RAVER1: variants seen among roughly 807,000 people sequenced by gnomAD.
RAVER1 encodes ribonucleoprotein PTB-binding 1.
In RAVER1, 36 loss-of-function variants were observed where a neutral mutation model predicts 68.4. That is an observed-to-expected ratio of 0.53 (90% CI 0.40 to 0.70). The LOEUF (loss-of-function observed/expected upper bound fraction) is 0.70, where lower values mean the gene tolerates loss of function less well. Among genes scored for constraint, RAVER1 ranks in the 30% least tolerant of loss-of-function variants. RAVER1 has a pLI of 0.00. For missense variants in RAVER1, 933 were observed against 1,019.8 expected (o/e 0.91, Z 1.16); for synonymous variants, 469 against 472.7 (o/e 0.99, Z 0.10).
chr19:10,333,211 G>C lies in RAVER1; in HGVS notation c.219+78C>G. 7.1e-7 allele frequency: 1 copy of C among 1,409,158 alleles called. No individual in the cohort carries two copies. Among genetic ancestry groups the C allele is most frequent in the East Asian group, 2.5e-5 (1 of 40,242 alleles). The allele number at this position is 1,409,158 out of a possible 1,614,324, so 87.3% of individuals were successfully genotyped here. On this transcript the variant is annotated intron_variant, in intron 1 of 12. Coordinates refer to ENST00000617231, the MANE Select transcript of RAVER1 (RefSeq NM_133452.3). This position sits in a 1 kb window ranked among gnomAD's most constrained non-coding sequence, Gnocchi z 4.2. ...GCCAACGACCCCCGCGCACCTCAGC[G>C]TTGGTGTCGCCCGGTTCCCCCCGCG...
chr19:10,324,171 AAG>A (rs1367254881), intron 3 of RAVER1, among the ~76,000 whole-genome samples: 1 of 150,864 alleles, frequency 6.6e-6, no homozygotes, highest in Non-Finnish European at 1.5e-5. Flanking sequence ...AAAAAAAAAA[AAG>A]AGATAATCAG....
rs767011564 is a variant in RAVER1 at position 10,325,792 on chromosome 19, C to CA, written c.757-2227dup. ...AGCCTGGGTGATTGAGAACCTGTCT[C>CA]AAAAAAAAAAAAAATTAAGTTTAGT... On this transcript the variant is annotated intron_variant, in intron 3 of 12. Transcript: ENST00000617231. Among the ~76,000 whole-genome samples, 895 of 132,806 alleles carry CA rather than the reference C, an allele frequency of 6.7e-3. 7 individuals carry two copies. Among genetic ancestry groups the CA allele is most frequent in the African/African-American group, 0.02 (722 of 35,874 alleles). 87.1% of individuals were successfully genotyped at this position (132,806 alleles called of 152,430 possible).
chr19:10,320,575 G>A (rs2040428497), intron 9 of RAVER1, 80 bp downstream of exon 9: 2 of 1,313,620 alleles, frequency 1.5e-6, no homozygotes, highest in African/African-American at 1.5e-5. Flanking sequence ...CACATGGCCT[G>A]GCATAGTCAA....
chr19:10,328,946 A>T lies in RAVER1; in HGVS notation c.452T>A (p.Leu151Gln). 1 of 1,608,014 alleles carries T rather than the reference A, an allele frequency of 6.2e-7. No homozygotes were observed. ...PSLTQQQFEE[L>Q]VRPFGSLERC... ...CTCCAGGCTGCCGAAGGGCCGCACC[A>T]GCTCCTCGAACTGCTGCTGTGTGAG... The change falls in exon 3 of 13, where the codon CTG (leucine) becomes CAG (glutamine). Residue 151 changes from leucine (L) to glutamine (Q), a missense_variant. Physicochemically the swap from Leu to Gln is moderately radical, Grantham distance 113. Coordinates refer to ENST00000617231, the MANE Select transcript of RAVER1 (RefSeq NM_133452.3). The surrounding 1 kb of genome is among the most constrained non-coding windows in gnomAD (Gnocchi z 4.4).
rs2040497776 is a variant in RAVER1, at chr19:10,329,317, GC to G, written c.287-207del. Among the ~76,000 whole-genome samples, 1 of 152,156 alleles carries G rather than the reference GC, an allele frequency of 6.6e-6. No individual in the cohort carries two copies. Among genetic ancestry groups the G allele is most frequent in the Non-Finnish European group, 1.5e-5 (1 of 68,016 alleles). On this transcript the variant is annotated intron_variant, in intron 2 of 12. Coordinates refer to ENST00000617231, the MANE Select transcript of RAVER1 (RefSeq NM_133452.3). This position sits in a 1 kb window ranked among gnomAD's most constrained non-coding sequence, Gnocchi z 4.6. ...TCCACGAAGCCCACTCCCTCTCCCA[GC>G]CCTGCGTCCACCTGCACCCACAGCA...
Position 10,321,271 on chromosome 19 carries a change from A to G in RAVER1, c.1262-12T>C. Reference sequence around the variant, plus strand: ...GGGCAGGCCCCCTCCTAGGGAGGGAAGGAGGATTTCAGGGGCCCAGGCTCA... The same window carrying G: ...GGGCAGGCCCCCTCCTAGGGAGGGAGGGAGGATTTCAGGGGCCCAGGCTCA... On this transcript the variant is annotated splice_polypyrimidine_tract_variant and intron_variant, in intron 7 of 12. Coordinates refer to ENST00000617231, the MANE Select transcript of RAVER1 (RefSeq NM_133452.3). 8.0e-7 allele frequency: 1 copy of G among 1,246,024 alleles called. No homozygotes were observed. The highest frequency in any genetic ancestry group is 1.0e-6 in the Non-Finnish European group (1 of 982,490). The allele number at this position is 1,246,024 out of a possible 1,614,324, so 77.2% of individuals were successfully genotyped here. A position where few individuals can be genotyped will look rare whatever the true frequency, so the allele number is the denominator to read the frequency against.
chr19:10,319,295 T>A, intron 9 of RAVER1, 55 bp from the exon 10 acceptor site: 2 of 1,545,322 alleles, frequency 1.3e-6, no homozygotes, highest in South Asian at 2.3e-5. Flanking sequence ...GCCTCACCCC[T>A]GGCTGAACTC....
Position 10,322,294 on chromosome 19 carries a change from A to T in RAVER1, c.1173+351T>A. On this transcript the variant is annotated intron_variant, in intron 6 of 12. Transcript: ENST00000617231. The surrounding 1 kb of genome is among the most constrained non-coding windows in gnomAD (Gnocchi z 4.3). ...AGTTTTTTCCCAGGCATGTCTATAG[A>T]GCTTCCGAGCAGAGTCTATTCACAA... 1 of 299,000 alleles carries T rather than the reference A, an allele frequency of 3.3e-6. No individual in the cohort carries two copies. The highest frequency in any genetic ancestry group is 6.2e-6 in the Non-Finnish European group (1 of 161,516). 18.5% of individuals were successfully genotyped at this position (299,000 alleles called of 1,614,324 possible).
chr19:10,322,887 T>C lies in RAVER1; in HGVS notation c.1079-148A>G, dbSNP rs1335504154. 1.7e-6 allele frequency: 1 copy of C among 575,486 alleles called. No homozygotes were observed. The highest frequency in any genetic ancestry group is 3.0e-6 in the Non-Finnish European group (1 of 338,342). The allele number at this position is 575,486 out of a possible 1,614,324, so 35.6% of individuals were successfully genotyped here. On this transcript the variant is annotated intron_variant, in intron 5 of 12. Transcript: ENST00000617231. The surrounding 1 kb of genome is among the most constrained non-coding windows in gnomAD (Gnocchi z 4.3). ...AGTGGACTTGCCCAAAGGAAGGGCC[T>C]AGAAGGGGCAGAGGCTACTCCAGTG... is the stretch of plus-strand genomic sequence containing the variant.
rs756507702 is a variant in RAVER1 at position 10,320,722 on chromosome 19, G to T, written c.1703C>A (p.Pro568His). ...GGGGGGCAGGCGGGCGCTGCTGAGG[G>T]GGCTGAGCAGGCGGGACTTGAGCTG... ...AFQLKSRLLSPLSSARLPPEP... is the reference protein window; with the variant it reads ...AFQLKSRLLSHLSSARLPPEP... Residue 568 changes from proline (P) to histidine (H), a missense_variant, in exon 9 of 13, where the codon CCC (proline) becomes CAC (histidine). Physicochemically the swap from Pro to His is moderately conservative, Grantham distance 77 (BLOSUM62 -2). Coordinates refer to ENST00000617231, the MANE Select transcript of RAVER1 (RefSeq NM_133452.3). 1.3e-6 allele frequency: 2 copies of T among 1,543,280 alleles called. No individual in the cohort carries two copies. The highest frequency in any genetic ancestry group is 1.7e-6 in the Non-Finnish European group (2 of 1,152,654).
chr19:10,323,178 G>C lies in RAVER1; in HGVS notation c.1045C>G (p.Pro349Ala). The C allele has an allele frequency of 1.2e-6, 2 of 1,611,414 alleles. No individual in the cohort carries two copies. Among genetic ancestry groups the C allele is most frequent in the Non-Finnish European group, 1.7e-6 (2 of 1,178,966 alleles). ...PSASLQLLLN[P>A]LLHGSAGGKQ... ...CCCCCCGCACTGCCATGGAGCAGGGGGTTGAGCAGCAGCTGGAGGGACGCG... is the reference window on the plus strand; with the variant it reads ...CCCCCCGCACTGCCATGGAGCAGGGCGTTGAGCAGCAGCTGGAGGGACGCG... The change falls in exon 5 of 13, where the codon CCC becomes GCC. Residue 349 changes from proline (P) to alanine (A), a missense_variant. By Grantham distance (27) the Pro-to-Ala change is conservative. Around this residue, in one of 3 missense-constraint regions of RAVER1, gnomAD observed 699 missense variants for 731.1 expected, o/e 0.96. Transcript: ENST00000617231. This position sits in a 1 kb window ranked among gnomAD's most constrained non-coding sequence, Gnocchi z 6.2.
At chr19:10,326,284 G>A (rs2145077919) in intron 3 of RAVER1, among the ~76,000 whole-genome samples, 1 of 152,268 alleles carries the variant, frequency 6.6e-6, no homozygotes, top group South Asian at 2.1e-4. Context: ...TAAAAGAAAG[G>A]TGAGGCCATT....
At chr19:10,326,307 C>A (rs926163997) in intron 3 of RAVER1, among the ~76,000 whole-genome samples, 3 of 152,230 alleles carry the variant, frequency 2.0e-5, no homozygotes, top group Non-Finnish European at 4.4e-5. Flanking sequence ...GCTAACTCAT[C>A]TTCTGTCCTG....
rs2040490498 is a variant in RAVER1 at position 10,328,544 on chromosome 19, T to C, written c.756+98A>G. ...TCCAGCATGGGTGACAAAGTGAGAC[T>C]GTCTCAAAAAAAAAAAAGAAAAGGC... On this transcript the variant is annotated intron_variant, in intron 3 of 12. Transcript: ENST00000617231. The surrounding 1 kb of genome is among the most constrained non-coding windows in gnomAD (Gnocchi z 4.4). The C allele has an allele frequency of 1.3e-6, 1 of 777,438 alleles. No homozygotes were observed. Among genetic ancestry groups the C allele is most frequent in the South Asian group, 1.9e-5 (1 of 53,950 alleles). 48.2% of individuals were successfully genotyped at this position (777,438 alleles called of 1,614,324 possible). A position where few individuals can be genotyped will look rare whatever the true frequency, so the allele number is the denominator to read the frequency against.
At position 10,322,968 on chromosome 19, in the gene RAVER1, T is replaced by C. The variant is rs1286972118; in HGVS notation, c.1078+177A>G. The stretch of plus-strand genomic sequence containing the variant: ...CTCACTGCAGGCTGCTGTGTGGCCC[T>C]GGTCCCGGCCCCCAGTTGTGGACAG... On this transcript the variant is annotated intron_variant, in intron 5 of 12. Transcript: ENST00000617231. The surrounding 1 kb of genome is among the most constrained non-coding windows in gnomAD (Gnocchi z 4.3). Among the ~76,000 whole-genome samples, 1 of 152,128 alleles carries C rather than the reference T, an allele frequency of 6.6e-6. No individual in the cohort carries two copies. Among genetic ancestry groups the C allele is most frequent in the Admixed American group, 6.5e-5 (1 of 15,272 alleles).
intron 1 of RAVER1, 77 bp from the exon 2 acceptor site, chr19:10,330,603 A>C (rs1258645619): frequency 1.4e-6 from 1 of 700,830 alleles, no homozygotes; most frequent in East Asian, 2.8e-5. Context: ...CATAGCTGCC[A>C]CCAGCTATGA....
At chr19:10,318,747 A>G (rs2040413432) in intron 10 of RAVER1, among the ~76,000 whole-genome samples, 1 of 152,192 alleles carries the variant, frequency 6.6e-6, no homozygotes, top group Non-Finnish European at 1.5e-5. Context: ...TCCTCCAGGA[A>G]CCCAGGGATC....
chr19:10,326,199 G>A (rs2040473607), intron 3 of RAVER1, among the ~76,000 whole-genome samples: 1 of 152,306 alleles, frequency 6.6e-6, no homozygotes, highest in East Asian at 1.9e-4. Context: ...AGGATGCAGT[G>A]AGCCAAGATC....
Position 10,317,137 on chromosome 19 carries a change from A to T in RAVER1, c.*317T>A. The T allele has an allele frequency of 2.6e-6, 1 of 389,914 alleles. No homozygotes were observed. Among genetic ancestry groups the T allele is most frequent in the Non-Finnish European group, 4.6e-6 (1 of 216,068 alleles). 24.2% of individuals were successfully genotyped at this position (389,914 alleles called of 1,614,324 possible). ...TCGAAAGGCCAAAATTACAGGAGCA[A>T]TGAGGCAGGAGGGCTCCGGAGAGAC... is the stretch of plus-strand genomic sequence containing the variant. On this transcript the variant is annotated 3_prime_UTR_variant, in exon 13 of 13. Transcript: ENST00000617231. The surrounding 1 kb of genome is among the most constrained non-coding windows in gnomAD (Gnocchi z 4.3).
Sources: allele counts gnomAD v4.1 joint callset (sites outside exome capture counted in the v4.1 genomes callset), GRCh38; gene constraint gnomAD v4.1.1; regional missense constraint gnomAD v4.1.1; non-coding constraint Gnocchi (gnomAD v3.1); transcripts MANE v1.5; gene names NCBI Gene and HGNC (gene_info 2026-07-23, HGNC 2026-07-21).